SMIM23: variants seen among roughly 807,000 people sequenced by gnomAD.
SMIM23 encodes the protein small integral membrane protein 23, also known as CTB-78H18.1.
Under a neutral mutation model 12.8 loss-of-function variants are expected in SMIM23, and 10 were observed. The observed-to-expected ratio is 0.78, with a 90% confidence interval of 0.48 to 1.32. SMIM23 has a LOEUF of 1.32. SMIM23 is among the 40% of genes most tolerant of loss of function. SMIM23 has a pLI of 0.00. For missense variants in SMIM23, 184 were observed against 198.2 expected (o/e 0.93, Z 0.43); for synonymous variants, 78 against 80.1 (o/e 0.97, Z 0.14).
At chr5:171,784,908 T>C (rs1755787506), upstream of SMIM23, among the ~76,000 whole-genome samples, 1 of 152,172 alleles carries the variant, frequency 6.6e-6, no homozygotes, top group Admixed American at 6.5e-5. Flanking sequence ...GGAATTATAC[T>C]ATGTTTTTTT....
chr5:171,773,766 TA>T, the SMIM23 span: 1 of 456,234 alleles, frequency 2.2e-6, no homozygotes, highest in Admixed American at 2.3e-5. Flanking sequence ...TGCAGGAACA[TA>T]GGTCATTGTG....
At chr5:171,786,071 C>A in intron 1 of SMIM23, 95 bp downstream of exon 1, 1 of 1,039,794 alleles carries the variant, frequency 9.6e-7, no homozygotes, top group Non-Finnish European at 1.4e-6. Context: ...CGGAATGAAT[C>A]TTGGACCCAA....
chr5:171,779,392 G>A (rs1755689731), upstream of SMIM23, among the ~76,000 whole-genome samples: 1 of 152,196 alleles, frequency 6.6e-6, no homozygotes, highest in African/African-American at 2.4e-5. Flanking sequence ...GTATGCATCT[G>A]AGTTTGCAAT....
intron 1 of SMIM23, among the ~76,000 whole-genome samples, chr5:171,789,481 A>G (rs1755882894): frequency 6.6e-6 from 1 of 152,258 alleles, no homozygotes; most frequent in Non-Finnish European, 1.5e-5. Flanking sequence ...GAGTGTTCAT[A>G]GCACTTTTAT....
At chr5:171,786,146 T>C (rs1459487810) in intron 1 of SMIM23, among the ~76,000 whole-genome samples, 170 bp downstream of exon 1, 1 of 152,198 alleles carries the variant, frequency 6.6e-6, no homozygotes, top group Non-Finnish European at 1.5e-5. Context: ...GCCGGGGCCA[T>C]CACTGACACT....
chr5:171,776,867 C>A, the SMIM23 span, among the ~76,000 whole-genome samples: 1 of 152,212 alleles, frequency 6.6e-6, no homozygotes, highest in Non-Finnish European at 1.5e-5. Flanking sequence ...CCAACCTTTT[C>A]CAGTCCTGCT....
chr5:171,788,172 A>AC (rs2113651782), intron 1 of SMIM23, among the ~76,000 whole-genome samples: 1 of 134,782 alleles, frequency 7.4e-6, no homozygotes, highest in Admixed American at 6.8e-5. Flanking sequence ...ACACACACAC[A>AC]AACACACACA....
upstream of SMIM23, among the ~76,000 whole-genome samples, chr5:171,778,447 TCACACACACACACACACACA>T (rs4041455): frequency 3.9e-4 from 55 of 141,548 alleles, no homozygotes; most frequent in African/African-American, 1.2e-3. Flanking sequence ...TGGGAAAATT[TCACACACACACACACACACA>T]CACACACACA....
the SMIM23 span, among the ~76,000 whole-genome samples, chr5:171,775,331 C>T: frequency 1.3e-5 from 2 of 152,194 alleles, no homozygotes; most frequent in Admixed American, 6.5e-5. Flanking sequence ...TGAGCATTCC[C>T]CCCAACCCCC....
chr5:171,780,079 G>C (rs254917), upstream of SMIM23, among the ~76,000 whole-genome samples: 3,717 of 152,212 alleles, frequency 0.024, 141 homozygotes, highest in African/African-American at 0.084. Context: ...AGGTGTGTTT[G>C]GGAGACAGGA....
the SMIM23 span, among the ~76,000 whole-genome samples, chr5:171,772,827 G>A: frequency 5.9e-5 from 9 of 152,158 alleles, no homozygotes; most frequent in African/African-American, 2.2e-4. Flanking sequence ...CTGTGGGACC[G>A]TCTGGTCGCT....
upstream of SMIM23, among the ~76,000 whole-genome samples, chr5:171,784,069 C>T (rs1755769754): frequency 6.6e-6 from 1 of 151,906 alleles, no homozygotes; most frequent in South Asian, 2.1e-4. Flanking sequence ...TAGCAAGACA[C>T]TGTCTCCAGC....
At chr5:171,777,000 G>T in the SMIM23 span, among the ~76,000 whole-genome samples, 19 of 151,796 alleles carry the variant, frequency 1.3e-4, 1 homozygote, top group South Asian at 2.5e-3. Context: ...GACAGGCCAC[G>T]ACAGAGTGCA....
chr5:171,774,510 G>A, the SMIM23 span: 10 of 456,202 alleles, frequency 2.2e-5, no homozygotes, highest in East Asian at 6.9e-4. Flanking sequence ...GGGGATCCTG[G>A]ATTTCAGCAG....
chr5:171,784,510 A>G (rs938160723), upstream of SMIM23, among the ~76,000 whole-genome samples: 2 of 146,112 alleles, frequency 1.4e-5, no homozygotes, highest in Non-Finnish European at 3.0e-5. Context: ...GTCTCAAAAA[A>G]AAAAAGAACA....
At chr5:171,790,689 G>A (rs928351953) in intron 3 of SMIM23, 106 bp from the exon 4 acceptor site, 39 of 1,384,622 alleles carry the variant, frequency 2.8e-5, no homozygotes, top group Non-Finnish European at 3.6e-5. Flanking sequence ...CGAGCACAAT[G>A]AGTAGCATGT....
At chr5:171,790,142 C>CA (rs1276965539) in intron 1 of SMIM23, 88 bp from the exon 2 acceptor site, 1 of 1,307,578 alleles carries the variant, frequency 7.6e-7, no homozygotes, top group Non-Finnish European at 1.1e-6. Flanking sequence ...TAAGCATTCC[C>CA]ATGTCTGGCC....
chr5:171,783,586 C>G (rs139267147), upstream of SMIM23, among the ~76,000 whole-genome samples: 3 of 152,124 alleles, frequency 2.0e-5, no homozygotes, highest in African/African-American at 7.2e-5. Context: ...AAATGTGAAG[C>G]GTAAAGCTAT....
At chr5:171,780,807 G>A (rs1028946636), upstream of SMIM23, among the ~76,000 whole-genome samples, 4 of 151,962 alleles carry the variant, frequency 2.6e-5, no homozygotes, top group African/African-American at 9.7e-5. Context: ...GTCTTGGGTT[G>A]GACTCTTTCT....
Sources: allele counts gnomAD v4.1 joint callset (sites outside exome capture counted in the v4.1 genomes callset), GRCh38; gene constraint gnomAD v4.1.1; transcripts MANE v1.5; gene names NCBI Gene and HGNC (gene_info 2026-07-23, HGNC 2026-07-21).